RERE: variants seen among roughly 807,000 people sequenced by gnomAD.
RERE encodes arginine-glutamic acid dipeptide repeats protein.
Under a neutral mutation model 146.1 loss-of-function variants are expected in RERE, and 40 were observed. The observed-to-expected ratio is 0.27, with a 90% CI of 0.21 to 0.36. RERE has a LOEUF of 0.36. Ranked by LOEUF, RERE falls within the 10% of genes least tolerant of loss-of-function variation. The probability of loss-of-function intolerance (pLI) is 1.00; values close to 1 mark genes in which losing one functional copy is unlikely to be tolerated. For missense variants in RERE, 1,933 were observed against 2,138.7 expected, an observed-to-expected ratio of 0.90 and a Z score of 1.90; for synonymous variants, 1,003 against 866.0, an observed-to-expected ratio of 1.16 and a Z score of -2.78.
At chr1:8,517,711 C>CA (rs973481668) in intron 7 of RERE, among the ~76,000 whole-genome samples, 5 of 151,912 alleles carry the variant, frequency 3.3e-5, no homozygotes, top group South Asian at 2.1e-4. Flanking sequence ...AAATCTGATA[C>CA]AAAAAAACCC....
intron 4 of RERE, among the ~76,000 whole-genome samples, chr1:8,598,535 C>T (rs1646582897): frequency 6.6e-6 from 1 of 152,210 alleles, no homozygotes; most frequent in South Asian, 2.1e-4. Context: ...TCCTCCCTCA[C>T]TCCACAGCCT....
intron 7 of RERE, among the ~76,000 whole-genome samples, chr1:8,540,053 C>T (rs1645779698): frequency 6.6e-6 from 1 of 152,044 alleles, no homozygotes; most frequent in Admixed American, 6.6e-5. Context: ...CTTTTGCTAA[C>T]TTCTTTGAGC....
chr1:8,632,638 G>T (rs191751244), intron 2 of RERE, among the ~76,000 whole-genome samples: 1 of 152,162 alleles, frequency 6.6e-6, no homozygotes, highest in African/African-American at 2.4e-5. Flanking sequence ...ACTGTAGTCT[G>T]CAGTTCTCAG....
chr1:8,759,710 A>G (rs1372720298), intron 1 of RERE, among the ~76,000 whole-genome samples: 2 of 152,292 alleles, frequency 1.3e-5, no homozygotes, highest in Admixed American at 1.3e-4. Context: ...CTCAATTGCA[A>G]AACAGCCATA....
intron 1 of RERE, among the ~76,000 whole-genome samples, chr1:8,805,389 C>T (rs536356251): frequency 2.4e-4 from 37 of 152,160 alleles, no homozygotes; most frequent in African/African-American, 8.7e-4. Flanking sequence ...TGGCTCTCGC[C>T]TATAATCCCA....
chr1:8,809,071 G>C lies in RERE; in HGVS notation c.-145+8089C>G, dbSNP rs1046354335. 2.0e-5 allele frequency among the ~76,000 whole-genome samples: 3 copies of C among 148,724 alleles called. No homozygotes were observed. In the South Asian group the frequency reaches 6.4e-4, roughly 32 times the overall value. On this transcript the variant is annotated intron_variant, in intron 1 of 22. Transcript: ENST00000400908. ...GAAAATGGTGTGAACCCGGGAGGCA[G>C]AGCTTGCAGTGAACTGAGATCACAC...
intron 10 of RERE, among the ~76,000 whole-genome samples, chr1:8,487,936 T>C (rs1644924959): frequency 6.6e-6 from 1 of 152,088 alleles, no homozygotes; most frequent in Non-Finnish European, 1.5e-5. Flanking sequence ...TCCCAAAAAA[T>C]CTTATTGTAA....
At chr1:8,706,206 C>A (rs1639558547) in intron 1 of RERE, among the ~76,000 whole-genome samples, 1 of 151,754 alleles carries the variant, frequency 6.6e-6, no homozygotes, top group African/African-American at 2.4e-5. Context: ...GTAGTCCCAG[C>A]CGCTCAGGAG....
intron 1 of RERE, among the ~76,000 whole-genome samples, chr1:8,739,952 G>C (rs1248972564): frequency 2.0e-5 from 3 of 151,650 alleles, no homozygotes; most frequent in South Asian, 4.2e-4. Flanking sequence ...TTGCCTCTGG[G>C]CCACTGCACA....
intron 1 of RERE, among the ~76,000 whole-genome samples, chr1:8,800,228 C>T (rs1213021616): frequency 6.8e-6 from 1 of 147,768 alleles, no homozygotes; most frequent in Non-Finnish European, 1.5e-5. Context: ...CACTGCACTC[C>T]AGCATGGGCT....
At chr1:8,649,672 G>T (rs1647507436) in intron 2 of RERE, among the ~76,000 whole-genome samples, 1 of 150,982 alleles carries the variant, frequency 6.6e-6, no homozygotes, top group Non-Finnish European at 1.5e-5. Flanking sequence ...GGAGGTTGCA[G>T]TGAGCTGAGA....
intron 1 of RERE, among the ~76,000 whole-genome samples, chr1:8,789,301 A>AAAAAAAAAAAAAAATATATATATATATAT: frequency 1.2e-4 from 3 of 24,818 alleles, no homozygotes; most frequent in Non-Finnish European, 1.3e-4. Flanking sequence ...AAAAAAAAAA[A>AAAAAAAAAAAAAAATATATATATATATAT]ATATATATAT....
rs372178934 is a variant in RERE at position 8,364,713 on chromosome 1, G to A, written c.1540+33C>T. 2.0e-4 allele frequency: 307 copies of A among 1,534,602 alleles called. No homozygotes were observed. Among genetic ancestry groups the A allele is most frequent in the African/African-American group, 7.4e-4 (54 of 73,426 alleles). On this transcript the variant is annotated intron_variant, in intron 14 of 22. Coordinates refer to ENST00000400908, the MANE Select transcript of RERE (RefSeq NM_001042681.2). This position sits in a 1 kb window ranked among gnomAD's most constrained non-coding sequence, Gnocchi z 5.1. ...AGAACATGGAAGTGCTTGTGCCCCC[G>A]CCCCGCCCCAGGAGCGTGACGAGGC...
chr1:8,701,469 T>C (rs948585968), intron 1 of RERE, among the ~76,000 whole-genome samples: 2 of 152,104 alleles, frequency 1.3e-5, no homozygotes, highest in Admixed American at 1.3e-4. Context: ...AATTCATAAA[T>C]GCAAAAACCA....
At chr1:8,780,091 C>G (rs1641138374) in intron 1 of RERE, among the ~76,000 whole-genome samples, 1 of 152,082 alleles carries the variant, frequency 6.6e-6, no homozygotes, top group Non-Finnish European at 1.5e-5. Context: ...ACTCAGGTGG[C>G]AAGATTCTGT....
intron 1 of RERE, among the ~76,000 whole-genome samples, chr1:8,774,100 T>A (rs1032837574): frequency 6.6e-6 from 1 of 152,118 alleles, no homozygotes; most frequent in Non-Finnish European, 1.5e-5. Context: ...TCTCCACGAA[T>A]CCACACACGC....
chr1:8,508,500 C>A (rs1342209193), intron 8 of RERE, 127 bp downstream of exon 8: 2 of 710,724 alleles, frequency 2.8e-6, no homozygotes. Context: ...GGAAAAAAAA[C>A]CTCTGTATTT....
intron 4 of RERE, among the ~76,000 whole-genome samples, chr1:8,578,425 C>T (rs568665495): frequency 4.6e-5 from 7 of 152,242 alleles, no homozygotes; most frequent in South Asian, 2.1e-4. Context: ...GTATTACAAA[C>T]GCATTGAACT....
chr1:8,543,829 A>G (rs527741001), intron 6 of RERE, among the ~76,000 whole-genome samples: 1 of 152,248 alleles, frequency 6.6e-6, no homozygotes, highest in Non-Finnish European at 1.5e-5. Context: ...GAAGCATTTC[A>G]TCTGATAAAT....
Sources: gnomAD v4.1 joint callset for allele counts (sites outside exome capture counted in the v4.1 genomes callset) on GRCh38, gnomAD v4.1.1 for gene constraint, Gnocchi (gnomAD v3.1) non-coding constraint, MANE v1.5 for transcripts, NCBI Gene and HGNC (gene_info 2026-07-23, HGNC 2026-07-21) for gene names.